The following MEF2A variants were observed in gnomAD, a reference collection of about 807,000 sequenced individuals.
MEF2A encodes the protein myocyte enhancer factor 2A.
In MEF2A, 28 loss-of-function variants were observed where a neutral mutation model predicts 55.8. That is an observed-to-expected ratio of 0.50 (90% confidence interval 0.37 to 0.69). MEF2A has a LOEUF of 0.69. MEF2A is among the 30% of genes least tolerant of loss of function. The probability of loss-of-function intolerance (pLI) is 0.00; values close to 1 mark genes in which losing one functional copy is unlikely to be tolerated. For missense variants in MEF2A, 528 were observed against 626.2 expected (o/e 0.84, Z 1.67); for synonymous variants, 239 against 227.1 (o/e 1.05, Z -0.47).
At chr15:99,593,730 GAAGTC>G (rs1397357752) in intron 1 of MEF2A, among the ~76,000 whole-genome samples, 1 of 152,162 alleles carries the variant, frequency 6.6e-6, no homozygotes, top group Non-Finnish European at 1.5e-5. Flanking sequence ...AACACTGATT[GAAGTC>G]ATTTCATTTA....
rs1330860775 is a variant in MEF2A at position 99,714,341 on chromosome 15, G to A, written c.*1570G>A. The A allele has an allele frequency of 3.9e-5, 6 of 152,196 alleles. No individual in the cohort carries two copies. The highest frequency in any genetic ancestry group is 3.3e-4 in the Admixed American group (5 of 15,282). 9.4% of individuals were successfully genotyped at this position (152,196 alleles called of 1,614,324 possible). On this transcript the variant is annotated 3_prime_UTR_variant, in exon 12 of 12. Transcript: ENST00000557942. ...GAGAAAATGGCAAAATAGTAGATGAGCACAAAGGTTTTATAAGTGGTAAAT... is the reference window on the plus strand; with the variant it reads ...GAGAAAATGGCAAAATAGTAGATGAACACAAAGGTTTTATAAGTGGTAAAT...
chr15:99,686,597 G>C (rs1252971222), intron 7 of MEF2A, among the ~76,000 whole-genome samples: 1 of 152,162 alleles, frequency 6.6e-6, no homozygotes, highest in Non-Finnish European at 1.5e-5. Flanking sequence ...CTGTTAATCT[G>C]TTAAGTTTTC....
rs564906771 is a variant in MEF2A at position 99,618,806 on chromosome 15, A to C, written c.-142-14172A>C. Among the ~76,000 whole-genome samples the C allele has an allele frequency of 3.3e-5, 5 of 152,368 alleles. No homozygotes were observed. The South Asian group carries it at 1.0e-3, about 32-fold the overall frequency. On this transcript the variant is annotated intron_variant, in intron 2 of 11. Coordinates refer to ENST00000557942, the MANE Select transcript of MEF2A (RefSeq NM_001319206.4). ...TATACTGTTCTTGTAACTTTTCACT[A>C]AGTTTGAAATTATTTTTAAAATGCA...
intron 2 of MEF2A, among the ~76,000 whole-genome samples, chr15:99,618,042 A>G (rs562438719): frequency 6.6e-6 from 1 of 152,356 alleles, no homozygotes; most frequent in Admixed American, 6.5e-5. Context: ...AGCCCCACAG[A>G]CAATAAAGCA....
At chr15:99,694,938 C>T (rs906330275) in intron 8 of MEF2A, among the ~76,000 whole-genome samples, 1 of 150,760 alleles carries the variant, frequency 6.6e-6, no homozygotes, top group Non-Finnish European at 1.5e-5. Flanking sequence ...TGAGGGCTAT[C>T]TACTTGATTC....
chr15:99,633,422 C>T (rs1457310748), intron 3 of MEF2A, among the ~76,000 whole-genome samples: 2 of 152,132 alleles, frequency 1.3e-5, no homozygotes, highest in East Asian at 3.9e-4. Flanking sequence ...CAATCCCCAC[C>T]ATTACCAATC....
At chr15:99,693,533 A>T (rs1222619269) in intron 8 of MEF2A, among the ~76,000 whole-genome samples, 1 of 152,236 alleles carries the variant, frequency 6.6e-6, no homozygotes, top group Admixed American at 6.5e-5. Context: ...AACAAAGATA[A>T]GGATTAGTAA....
At chr15:99,666,071 G>A (rs1001444098) in intron 4 of MEF2A, among the ~76,000 whole-genome samples, 2 of 152,072 alleles carry the variant, frequency 1.3e-5, no homozygotes, top group South Asian at 2.1e-4. Flanking sequence ...ATTTGACCCA[G>A]TAATGCCATT....
intron 1 of MEF2A, among the ~76,000 whole-genome samples, chr15:99,573,669 A>G (rs1422895114): frequency 2.6e-5 from 4 of 152,156 alleles, no homozygotes; most frequent in Admixed American, 1.3e-4. Flanking sequence ...TTGAGGGGGG[A>G]ACCTTATGGA....
chr15:99,687,801 G>A (rs1278177911), intron 7 of MEF2A, among the ~76,000 whole-genome samples: 3 of 152,206 alleles, frequency 2.0e-5, no homozygotes, highest in Middle Eastern at 3.2e-3. Context: ...TTGCTAACTA[G>A]ATGAAAAGCT....
intron 1 of MEF2A, among the ~76,000 whole-genome samples, chr15:99,598,074 A>T (rs1971830482): frequency 6.6e-6 from 1 of 152,210 alleles, no homozygotes; most frequent in Non-Finnish European, 1.5e-5. Flanking sequence ...TGAAACTAGT[A>T]AGTTCAATAG....
intron 2 of MEF2A, among the ~76,000 whole-genome samples, chr15:99,615,665 A>G (rs1489958479): frequency 6.6e-6 from 1 of 152,186 alleles, no homozygotes; most frequent in Non-Finnish European, 1.5e-5. Flanking sequence ...GGCATGCTGC[A>G]GACCCTGTCC....
intron 1 of MEF2A, among the ~76,000 whole-genome samples, chr15:99,593,595 G>A (rs1341374915): frequency 6.6e-6 from 1 of 152,054 alleles, no homozygotes; most frequent in African/African-American, 2.4e-5. Context: ...GTTTCATTTT[G>A]GATTGACTTT....
intron 2 of MEF2A, among the ~76,000 whole-genome samples, chr15:99,599,711 G>T (rs751708983): frequency 3.3e-5 from 5 of 152,042 alleles, no homozygotes; most frequent in Non-Finnish European, 7.4e-5. Flanking sequence ...GAACAGTGGA[G>T]TTTAATTCTC....
At chr15:99,659,761 T>G (rs900477102) in intron 4 of MEF2A, among the ~76,000 whole-genome samples, 1 of 152,214 alleles carries the variant, frequency 6.6e-6, no homozygotes, top group African/African-American at 2.4e-5. Flanking sequence ...ACAGTACCAT[T>G]TAGTTTTCCG....
At chr15:99,570,178 A>G (rs1475298806) in intron 1 of MEF2A, among the ~76,000 whole-genome samples, 5 of 152,206 alleles carry the variant, frequency 3.3e-5, no homozygotes, top group Non-Finnish European at 7.4e-5. Context: ...TGGTGTATGA[A>G]GGCAGGTAAT....
At chr15:99,711,909 G>A (rs888413194) in intron 11 of MEF2A, among the ~76,000 whole-genome samples, 16 of 152,204 alleles carry the variant, frequency 1.1e-4, no homozygotes, top group African/African-American at 3.9e-4. Context: ...CTCCTCTACT[G>A]CTCTCAGCCA....
intron 4 of MEF2A, among the ~76,000 whole-genome samples, chr15:99,661,826 T>C (rs910189789): frequency 1.3e-5 from 2 of 152,104 alleles, no homozygotes; most frequent in Non-Finnish European, 2.9e-5. Context: ...CAGTAGACTA[T>C]CTACAGAAAT....
intron 1 of MEF2A, among the ~76,000 whole-genome samples, chr15:99,584,195 T>C (rs1966726419): frequency 1.3e-5 from 2 of 152,320 alleles, no homozygotes; most frequent in South Asian, 4.1e-4. Context: ...TTTATGTGGT[T>C]CATTACTGAC....
Sources: gnomAD v4.1 joint callset for allele counts (sites outside exome capture counted in the v4.1 genomes callset) on GRCh38, gnomAD v4.1.1 for gene constraint, MANE v1.5 for transcripts, NCBI Gene and HGNC (gene_info 2026-07-23, HGNC 2026-07-21) for gene names.